Variants in ZBTB37 observed in about 807,000 individuals in gnomAD.
ZBTB37 encodes zinc finger and BTB domain containing 37.
ZBTB37 carries 15 observed loss-of-function variants against 37.7 expected under a neutral mutation model. That is an observed-to-expected ratio of 0.40 (90% CI 0.27 to 0.61). The LOEUF is 0.61. ZBTB37 is among the 20% of genes least tolerant of loss of function. ZBTB37 has a pLI of 0.44. For missense variants in ZBTB37, 514 were observed against 641.9 expected, an observed-to-expected ratio of 0.80 and a Z score of 2.15; for synonymous variants, 231 against 220.6, an observed-to-expected ratio of 1.05 and a Z score of -0.42.
chr1:173,870,899 G>A (rs1170062165), exon 3 of ZBTB37: 2 of 1,614,124 alleles, frequency 1.2e-6, no homozygotes, highest in African/African-American at 1.3e-5. Flanking sequence ...GTGGAGACAG[G>A]AGTGGCGGAC....
At chr1:173,881,259 C>G (rs1656289449) in intron 4 of ZBTB37, among the ~76,000 whole-genome samples, 1 of 152,136 alleles carries the variant, frequency 6.6e-6, no homozygotes, top group Admixed American at 6.5e-5. Context: ...CCACCTTCAT[C>G]CATGTCCCTA....
intron 4 of ZBTB37, among the ~76,000 whole-genome samples, chr1:173,878,236 A>T (rs1228111116): frequency 6.6e-6 from 1 of 152,032 alleles, no homozygotes; most frequent in African/African-American, 2.4e-5. Context: ...GTACAATACA[A>T]TTTTTCCTAA....
chr1:173,882,628 G>A (rs1480593333), intron 4 of ZBTB37, among the ~76,000 whole-genome samples: 1 of 152,082 alleles, frequency 6.6e-6, no homozygotes, highest in Non-Finnish European at 1.5e-5. Flanking sequence ...ATTGCTTTTG[G>A]TGTTTTAGTC....
downstream of ZBTB37, chr1:173,890,301 TAAATG>T (rs1486856469): frequency 6.6e-6 from 1 of 152,260 alleles, no homozygotes; most frequent in Non-Finnish European, 1.5e-5. Context: ...CTGTCTAACT[TAAATG>T]AAAGCAATGG....
chr1:173,874,502 C>T (rs1194936831), intron 4 of ZBTB37, among the ~76,000 whole-genome samples: 1 of 151,850 alleles, frequency 6.6e-6, no homozygotes, highest in Non-Finnish European at 1.5e-5. Flanking sequence ...AGGCACCTGC[C>T]ACCACGCCCG....
intron 3 of ZBTB37, 78 bp downstream of exon 3, chr1:173,871,226 G>C (rs974047237): frequency 1.4e-5 from 19 of 1,351,440 alleles, no homozygotes; most frequent in Middle Eastern, 2.6e-4. Flanking sequence ...GTAGTACAGA[G>C]AGCATTTTCC....
chr1:173,887,701 T>A (rs1174285710), downstream of ZBTB37: 2 of 152,178 alleles, frequency 1.3e-5, no homozygotes, highest in East Asian at 3.9e-4. Flanking sequence ...GACGGAGCAC[T>A]AGTTGTTGGG....
rs545423106 is a variant in ZBTB37 at position 173,885,978 on chromosome 1, A to C, written c.1366A>C (p.Ile456Leu). Residue 456 changes from isoleucine to leucine, a missense_variant, in exon 5 of 5, where the codon ATA (isoleucine) becomes CTA (leucine). By Grantham distance (5) the Ile-to-Leu change is conservative (BLOSUM62 2). Around this residue, in one of 3 missense-constraint regions of ZBTB37, gnomAD observed 86 missense variants for 161.9 expected, o/e 0.53. Transcript: ENST00000427304. ...CTTTCGCAAAAACCACCCTGGCTGT[A>C]TACCCCTGGAGGGGCCTCACAGCAT... 2.6e-4 allele frequency: 403 copies of C among 1,551,760 alleles called. 3 individuals carry two copies. In the South Asian group the frequency reaches 4.4e-3, roughly 17 times the overall value.
chr1:173,876,216 T>G lies in ZBTB37; in HGVS notation c.1023+2650T>G, dbSNP rs146474214. Among the ~76,000 whole-genome samples the G allele has an allele frequency of 5.8e-4, 88 of 152,308 alleles. 1 individual carries two copies. Among genetic ancestry groups the G allele is most frequent in the East Asian group, 5.6e-3 (29 of 5,188 alleles). On this transcript the variant is annotated intron_variant, in intron 4 of 4. Coordinates refer to ENST00000427304, the Ensembl canonical transcript of ZBTB37. ...CAATAAATTGTGAACATTTTTGCCT[T>G]TAAAAAGTAAACACTGTTGAATTAA...
At chr1:173,872,902 C>T (rs1304219785) in intron 3 of ZBTB37, among the ~76,000 whole-genome samples, 1 of 151,700 alleles carries the variant, frequency 6.6e-6, no homozygotes, top group Non-Finnish European at 1.5e-5. Context: ...AGCTACTGGG[C>T]CAGCTGAGGC....
intron 2 of ZBTB37, among the ~76,000 whole-genome samples, chr1:173,869,587 C>T (rs1655367992): frequency 6.6e-6 from 1 of 152,202 alleles, no homozygotes; most frequent in Non-Finnish European, 1.5e-5. Flanking sequence ...TGGTTGAATC[C>T]TGGCACAGCT....
exon 4 of ZBTB37, chr1:173,895,433 CTTGGAGATATCAGTTGTATTTTAAGTTT>C (rs1657007607): frequency 6.6e-6 from 1 of 152,068 alleles, no homozygotes; most frequent in African/African-American, 2.4e-5. Flanking sequence ...AATTTGATTT[CTTGGAGATATCAGTTGTATTTTAAGTTT>C]ACAAATAGGT....
chr1:173,870,762 T>C (rs1655498310), exon 3 of ZBTB37: 3 of 1,614,080 alleles, frequency 1.9e-6, no homozygotes, highest in South Asian at 2.2e-5. Flanking sequence ...GTCAGGTTAG[T>C]GCTGTGCTGG....
At chr1:173,879,870 G>A (rs886234399) in intron 4 of ZBTB37, among the ~76,000 whole-genome samples, 9 of 152,298 alleles carry the variant, frequency 5.9e-5, no homozygotes, top group South Asian at 2.1e-4. Flanking sequence ...AGAATCACTT[G>A]AACCTGGGAG....
chr1:173,881,477 G>A (rs563337805), intron 4 of ZBTB37, among the ~76,000 whole-genome samples: 43 of 152,274 alleles, frequency 2.8e-4, no homozygotes, highest in African/African-American at 1.0e-3. Flanking sequence ...CCCAGTAATG[G>A]GATTGCTGAG....
exon 4 of ZBTB37, chr1:173,899,336 TC>T (rs1411842729): frequency 6.6e-6 from 1 of 152,224 alleles, no homozygotes; most frequent in East Asian, 1.9e-4. Context: ...CCTAGGCCTG[TC>T]CCCTGATCTT....
chr1:173,871,000 C>G (rs1655523894), exon 3 of ZBTB37: 1 of 1,614,100 alleles, frequency 6.2e-7, no homozygotes, highest in Non-Finnish European at 8.5e-7. Flanking sequence ...GCCTGAGAAT[C>G]AGCCTTCTGG....
chr1:173,900,062 T>C (rs1361771891), exon 4 of ZBTB37: 1 of 152,226 alleles, frequency 6.6e-6, no homozygotes, highest in Non-Finnish European at 1.5e-5. Context: ...CCAAACTGCT[T>C]ACAGCAATTT....
At chr1:173,877,247 C>CA (rs1209316386) in intron 4 of ZBTB37, among the ~76,000 whole-genome samples, 27 of 150,718 alleles carry the variant, frequency 1.8e-4, no homozygotes, top group African/African-American at 5.8e-4. Context: ...CAAATACACA[C>CA]AAAAAAACTG....
Sources: gnomAD v4.1 joint callset for allele counts (sites outside exome capture counted in the v4.1 genomes callset) on GRCh38, gnomAD v4.1.1 for gene constraint, gnomAD v4.1.1 regional missense constraint, MANE v1.5 for transcripts, NCBI Gene and HGNC (gene_info 2026-07-23, HGNC 2026-07-21) for gene names.